Variants in PVT1 observed in about 807,000 individuals in gnomAD.
The protein encoded by PVT1 is CXCR4/PVT1 fusion.
intron 6 of PVT1, among the ~76,000 whole-genome samples, chr8:128,097,819 A>G (rs2130177628): frequency 6.6e-6 from 1 of 152,258 alleles, no homozygotes; most frequent in East Asian, 1.9e-4. Flanking sequence ...CGTAGGGATG[A>G]GCTTCAGACA....
intron 5 of PVT1, among the ~76,000 whole-genome samples, chr8:128,094,916 A>C (rs1190281818): frequency 5.3e-5 from 8 of 152,168 alleles, no homozygotes; most frequent in Admixed American, 1.3e-4. Context: ...GGCAGAGTTT[A>C]AATCCATTGC....
intron 2 of PVT1, among the ~76,000 whole-genome samples, chr8:127,850,782 G>C (rs1215711318): frequency 6.6e-6 from 1 of 152,214 alleles, no homozygotes; most frequent in Non-Finnish European, 1.5e-5. Context: ...AGTTTGGGAG[G>C]CTGAAGTGGG....
At chr8:127,931,013 C>T (rs1816199304) in intron 3 of PVT1, among the ~76,000 whole-genome samples, 1 of 152,154 alleles carries the variant, frequency 6.6e-6, no homozygotes, top group Non-Finnish European at 1.5e-5. Context: ...TCAAGGGATC[C>T]TCCCCTTCAG....
At chr8:128,027,238 C>G (rs929137675) in intron 4 of PVT1, among the ~76,000 whole-genome samples, 1 of 152,220 alleles carries the variant, frequency 6.6e-6, no homozygotes, top group African/African-American at 2.4e-5. Flanking sequence ...CCTCCTCCCC[C>G]TGTTGTATTC....
chr8:128,056,835 G>A (rs1414098833), intron 4 of PVT1, among the ~76,000 whole-genome samples: 3 of 152,134 alleles, frequency 2.0e-5, no homozygotes, highest in South Asian at 2.1e-4. Flanking sequence ...TGATCGTGGC[G>A]GGTCCCTGGC....
chr8:128,055,310 T>C (rs1563676659), intron 4 of PVT1, among the ~76,000 whole-genome samples: 1 of 152,228 alleles, frequency 6.6e-6, no homozygotes, highest in Non-Finnish European at 1.5e-5. Context: ...GACTTTAGAA[T>C]GAGACAGATT....
chr8:127,894,462 G>A (rs191232305), intron 3 of PVT1, among the ~76,000 whole-genome samples: 8 of 151,064 alleles, frequency 5.3e-5, no homozygotes, highest in African/African-American at 1.7e-4. Context: ...CACGGTTACT[G>A]ATGGAGAGAG....
At chr8:127,994,060 CT>C (rs1229063768) in intron 4 of PVT1, among the ~76,000 whole-genome samples, 4 of 152,152 alleles carry the variant, frequency 2.6e-5, no homozygotes, top group Admixed American at 6.5e-5. Flanking sequence ...TTCTGAATCC[CT>C]TAAACCTGCC....
At chr8:127,829,631 CAG>C (rs1814828872) in intron 2 of PVT1, among the ~76,000 whole-genome samples, 1 of 152,182 alleles carries the variant, frequency 6.6e-6, no homozygotes, top group East Asian at 1.9e-4. Flanking sequence ...GCCAGTGTGG[CAG>C]TATGAACTTG....
intron 2 of PVT1, among the ~76,000 whole-genome samples, chr8:127,879,339 G>A (rs1055517424): frequency 1.3e-5 from 2 of 152,020 alleles, no homozygotes; most frequent in African/African-American, 2.4e-5. Context: ...GGCCAGCTTT[G>A]CCAACATGGT....
chr8:127,900,720 G>T (rs1187025248), intron 3 of PVT1, among the ~76,000 whole-genome samples: 3 of 152,232 alleles, frequency 2.0e-5, no homozygotes, highest in African/African-American at 7.2e-5. Context: ...AGGGCTGCAG[G>T]TGCATGTCTG....
At chr8:127,807,734 T>C (rs1344793088) in intron 2 of PVT1, among the ~76,000 whole-genome samples, 2 of 152,220 alleles carry the variant, frequency 1.3e-5, no homozygotes, top group Non-Finnish European at 2.9e-5. Flanking sequence ...AAGATGTTCA[T>C]GGTTGTCAAT....
intron 5 of PVT1, among the ~76,000 whole-genome samples, chr8:128,074,999 G>A (rs1814066117): frequency 1.3e-5 from 2 of 152,210 alleles, no homozygotes; most frequent in Admixed American, 1.3e-4. Flanking sequence ...GTTCATGGGG[G>A]TTATATGTTT....
intron 4 of PVT1, among the ~76,000 whole-genome samples, chr8:128,037,929 C>T (rs1345661355): frequency 6.6e-6 from 1 of 152,206 alleles, no homozygotes; most frequent in Admixed American, 6.5e-5. Context: ...GGTTCTCCTT[C>T]CCTGTGAGGG....
At chr8:127,844,897 TA>T (rs1446912499) in intron 2 of PVT1, among the ~76,000 whole-genome samples, 1 of 152,130 alleles carries the variant, frequency 6.6e-6, no homozygotes, top group East Asian at 1.9e-4. Flanking sequence ...GTATTTTTAG[TA>T]GAGACGGGGT....
At position 128,095,901 on chromosome 8, in the gene PVT1, T is replaced by G. The variant is rs1185674397; in HGVS notation, n.1115-617T>G. Among the ~76,000 whole-genome samples the G allele has an allele frequency of 2.0e-5, 3 of 152,354 alleles. No individual in the cohort carries two copies. In the East Asian group the frequency reaches 5.8e-4, roughly 29 times the overall value. On this transcript the variant is annotated intron_variant and non_coding_transcript_variant, in intron 5 of 10. Transcript: ENST00000651587. ...ATTCTGCCATGCTCTTTCGGCATGG[T>G]CAGAGCTGGCTTCTCTGTGCCCTCC... is the stretch of plus-strand genomic sequence containing the variant.
chr8:127,807,516 T>G (rs1814541273), intron 2 of PVT1, among the ~76,000 whole-genome samples: 1 of 151,316 alleles, frequency 6.6e-6, no homozygotes, highest in Non-Finnish European at 1.5e-5. Context: ...AGAGATGAGA[T>G]CTCACTATAT....
At chr8:127,896,773 C>T (rs1428528223) in intron 3 of PVT1, among the ~76,000 whole-genome samples, 1 of 129,552 alleles carries the variant, frequency 7.7e-6, no homozygotes, top group Non-Finnish European at 1.6e-5. Context: ...GATGCCTTTC[C>T]TCCCCCCCCC....
chr8:127,844,043 C>T lies in PVT1; in HGVS notation n.373-46546C>T, dbSNP rs183700270. 7.9e-5 allele frequency among the ~76,000 whole-genome samples: 12 copies of T among 151,592 alleles called. No individual in the cohort carries two copies. The East Asian group carries it at 1.6e-3, about 20-fold the overall frequency. ...TGTCACCCAGGCTGTAGTGCAGTGG[C>T]GCAATCTCGGCTCACTGCAAGCTCT... On this transcript the variant is annotated intron_variant and non_coding_transcript_variant, in intron 2 of 10. Transcript: ENST00000651587.
Sources: allele counts gnomAD v4.1 joint callset (sites outside exome capture counted in the v4.1 genomes callset), GRCh38; gene constraint gnomAD v4.1.1; transcripts MANE v1.5; gene names NCBI Gene and HGNC (gene_info 2026-07-23, HGNC 2026-07-21).